Variants in AKT3 observed in about 807,000 individuals in gnomAD.
AKT3 encodes the protein AKT serine/threonine kinase 3, also known as RAC-gamma serine/threonine-protein kinase.
In AKT3, 15 loss-of-function variants were observed where a neutral mutation model predicts 65.3. The ratio of observed to expected loss-of-function variants is 0.23; its 90% CI spans 0.15 to 0.35. The LOEUF (loss-of-function observed/expected upper bound fraction) is 0.35, where lower values mean the gene tolerates loss of function less well. AKT3 is among the 10% of genes least tolerant of loss of function. The pLI is 1.00. For missense variants in AKT3, 243 were observed against 576.5 expected, an observed-to-expected ratio of 0.42 and a Z score of 5.92; for synonymous variants, 206 against 183.8, an observed-to-expected ratio of 1.12 and a Z score of -0.98.
intron 3 of AKT3, among the ~76,000 whole-genome samples, chr1:243,682,053 C>T (rs1032449708): frequency 4.0e-5 from 6 of 151,864 alleles, no homozygotes; most frequent in East Asian, 1.9e-4. Context: ...AAACTAGTTA[C>T]GCACAATCCT....
chr1:243,642,434 C>G (rs992614308), intron 5 of AKT3, among the ~76,000 whole-genome samples: 5 of 152,152 alleles, frequency 3.3e-5, no homozygotes, highest in Admixed American at 3.3e-4. Context: ...CTCAGCCTCC[C>G]GAGTAGCTGG....
At chr1:243,555,894 T>C (rs571001403) in intron 10 of AKT3, among the ~76,000 whole-genome samples, 46 of 152,282 alleles carry the variant, frequency 3.0e-4, no homozygotes, top group Non-Finnish European at 4.3e-4. Context: ...AAACTTTAAA[T>C]AGGAAAGCAG....
intron 2 of AKT3, among the ~76,000 whole-genome samples, chr1:243,711,195 T>C (rs1290650436): frequency 6.6e-6 from 1 of 152,132 alleles, no homozygotes; most frequent in Admixed American, 6.5e-5. Context: ...GGCACGTGCC[T>C]GTAGTCCCAG....
chr1:243,500,062 A>G lies in AKT3; in HGVS notation c.*5187T>C. 4.5e-6 allele frequency: 2 copies of G among 445,668 alleles called. No homozygotes were observed. Among genetic ancestry groups the G allele is most frequent in the East Asian group, 6.5e-5 (2 of 30,678 alleles). 27.6% of individuals were successfully genotyped at this position (445,668 alleles called of 1,614,324 possible). A position where few individuals can be genotyped will look rare whatever the true frequency, so the allele number is the denominator to read the frequency against. Reference sequence around the variant, plus strand: ...CTCATTCGTATGCTAGGTTATACATATGATTTTCAATAAATGAACTTTTTA... The same window carrying G: ...CTCATTCGTATGCTAGGTTATACATGTGATTTTCAATAAATGAACTTTTTA... On this transcript the variant is annotated 3_prime_UTR_variant, in exon 14 of 14. Coordinates refer to ENST00000673466, the MANE Select transcript of AKT3 (RefSeq NM_005465.7).
At chr1:243,597,396 T>G (rs1428903117) in intron 8 of AKT3, among the ~76,000 whole-genome samples, 1 of 152,224 alleles carries the variant, frequency 6.6e-6, no homozygotes, top group Non-Finnish European at 1.5e-5. Flanking sequence ...TATTAGCAAT[T>G]ATTTCTAGAT....
At chr1:243,602,576 G>A (rs1156922582) in intron 8 of AKT3, among the ~76,000 whole-genome samples, 1 of 152,064 alleles carries the variant, frequency 6.6e-6, no homozygotes, top group Non-Finnish European at 1.5e-5. Flanking sequence ...TGTCTTATGT[G>A]AATTTAAAAT....
At chr1:243,489,923 T>C (rs527391497) in intron 13 of AKT3, among the ~76,000 whole-genome samples, 1 of 152,224 alleles carries the variant, frequency 6.6e-6, no homozygotes, top group Non-Finnish European at 1.5e-5. Context: ...CTAAATCGCT[T>C]CTCTTCCTGT....
intron 9 of AKT3, among the ~76,000 whole-genome samples, chr1:243,567,032 C>A (rs573276910): frequency 6.6e-6 from 1 of 152,170 alleles, no homozygotes; most frequent in African/African-American, 2.4e-5. Context: ...GTAATCCCAA[C>A]AATTTGAGAG....
intron 8 of AKT3, among the ~76,000 whole-genome samples, chr1:243,594,362 T>A (rs950273411): frequency 6.6e-6 from 1 of 152,182 alleles, no homozygotes; most frequent in South Asian, 2.1e-4. Context: ...ACAGCAGACT[T>A]TTTTGTAAAA....
rs766019860 is a variant in AKT3, at chr1:243,505,246, G to C, written c.*3C>G. On this transcript the variant is annotated 3_prime_UTR_variant, in exon 14 of 14. Coordinates refer to ENST00000673466, the MANE Select transcript of AKT3 (RefSeq NM_005465.7). The stretch of plus-strand genomic sequence containing the variant: ...GACAGTGAAGTAGCAGAATGAAAGA[G>C]ACTTATTCTCGTCCACTTGCAGAGT... 3.7e-6 allele frequency: 6 copies of C among 1,611,416 alleles called. No individual in the cohort carries two copies. Among genetic ancestry groups the C allele is most frequent in the Non-Finnish European group, 5.1e-6 (6 of 1,177,520 alleles).
chr1:243,845,987 G>A (rs528432217), intron 1 of AKT3, among the ~76,000 whole-genome samples: 1 of 152,168 alleles, frequency 6.6e-6, no homozygotes, highest in Non-Finnish European at 1.5e-5. Context: ...GATGAACTCT[G>A]AATAGCTTTA....
intron 13 of AKT3, among the ~76,000 whole-genome samples, chr1:243,510,273 C>T (rs2148358034): frequency 6.6e-6 from 1 of 152,262 alleles, no homozygotes. Flanking sequence ...ATTCATGCAC[C>T]TAACAAGTAT....
At chr1:243,639,946 A>C (rs930905039) in intron 5 of AKT3, among the ~76,000 whole-genome samples, 2 of 152,196 alleles carry the variant, frequency 1.3e-5, no homozygotes, top group Admixed American at 6.5e-5. Context: ...AATGAGAGGA[A>C]AACAATGCAA....
At chr1:243,793,946 T>C (rs1460473134) in intron 2 of AKT3, among the ~76,000 whole-genome samples, 1 of 152,236 alleles carries the variant, frequency 6.6e-6, no homozygotes, top group African/African-American at 2.4e-5. Flanking sequence ...AATTTACTTA[T>C]GGTTACATAG....
intron 9 of AKT3, among the ~76,000 whole-genome samples, chr1:243,569,587 C>A (rs1161682904): frequency 1.3e-5 from 2 of 152,140 alleles, no homozygotes; most frequent in African/African-American, 4.8e-5. Context: ...TGAAGCCACC[C>A]CTTCGTGCCA....
At chr1:243,645,571 A>T (rs1475542117) in intron 5 of AKT3, among the ~76,000 whole-genome samples, 9 of 152,226 alleles carry the variant, frequency 5.9e-5, no homozygotes, top group South Asian at 2.1e-4. Flanking sequence ...ACAAATCATC[A>T]GGGAAAACAT....
intron 2 of AKT3, among the ~76,000 whole-genome samples, chr1:243,810,109 A>G (rs968973147): frequency 6.6e-6 from 1 of 152,154 alleles, no homozygotes; most frequent in African/African-American, 2.4e-5. Context: ...ATCACAATTA[A>G]AAGAACTAGA....
chr1:243,518,458 C>T (rs1670504875), intron 12 of AKT3, among the ~76,000 whole-genome samples: 1 of 152,146 alleles, frequency 6.6e-6, no homozygotes. Context: ...AACCCCATCT[C>T]TACTAAAAAT....
Position 243,815,028 on chromosome 1 carries a change from A to T in AKT3, c.46+28097T>A, listed in dbSNP as rs116941113. On this transcript the variant is annotated intron_variant, in intron 2 of 13. Coordinates refer to ENST00000673466, the MANE Select transcript of AKT3 (RefSeq NM_005465.7). ...TTTCTAAGGTCTTAAAGGACATTAA[A>T]GTCACATCTTCAGCTTGATCTGTAG... Among the ~76,000 whole-genome samples, 5 of 152,314 alleles carry T rather than the reference A, an allele frequency of 3.3e-5. No individual in the cohort carries two copies. In the East Asian group the frequency reaches 9.7e-4, roughly 29 times the overall value.
Sources: gnomAD v4.1 joint callset for allele counts (sites outside exome capture counted in the v4.1 genomes callset) on GRCh38, gnomAD v4.1.1 for gene constraint, MANE v1.5 for transcripts, NCBI Gene and HGNC (gene_info 2026-07-23, HGNC 2026-07-21) for gene names.